The following FCMR variants were observed in gnomAD, a reference collection of about 807,000 sequenced individuals.
FCMR encodes Fc mu receptor.
Under a neutral mutation model 41.6 loss-of-function variants are expected in FCMR, and 34 were observed. That is an observed-to-expected ratio of 0.82 (90% CI 0.62 to 1.09). The LOEUF (loss-of-function observed/expected upper bound fraction) is 1.09, where lower values mean the gene tolerates loss of function less well. FCMR is among the 50% of genes least tolerant of loss of function. FCMR has a pLI of 0.00. For missense variants in FCMR, 496 were observed against 512.5 expected (o/e 0.97, Z 0.31); for synonymous variants, 209 against 211.8 (o/e 0.99, Z 0.12).
rs1157180959 is a variant in FCMR at position 206,904,234 on chromosome 1, G to C, written c.*785C>G. The C allele has an allele frequency of 6.6e-6, 1 of 151,592 alleles. No individual in the cohort carries two copies. 9.4% of individuals were successfully genotyped at this position (151,592 alleles called of 1,614,324 possible). On this transcript the variant is annotated 3_prime_UTR_variant, in exon 8 of 8. Coordinates refer to ENST00000367091, the MANE Select transcript of FCMR (RefSeq NM_005449.5). ...GTAATGGTTTTGGATGAATAAAATAGACCAAAGTTAAGGTAAGTGCACAAA... is the reference window on the plus strand; with the variant it reads ...GTAATGGTTTTGGATGAATAAAATACACCAAAGTTAAGGTAAGTGCACAAA...
intron 1 of FCMR, chr1:206,921,494 G>C (rs1191183306): frequency 6.6e-6 from 3 of 457,970 alleles, no homozygotes; most frequent in East Asian, 4.9e-5. Context: ...CTAGCTACTA[G>C]AGAGTCTGGG....
chr1:206,906,238 G>A (rs1465695873), intron 7 of FCMR: 3 of 433,956 alleles, frequency 6.9e-6, no homozygotes, highest in Admixed American at 2.6e-5. Flanking sequence ...AGTTGGAGGT[G>A]ACACAGAGAA....
intron 1 of FCMR, among the ~76,000 whole-genome samples, chr1:206,915,156 C>G (rs1679133452): frequency 6.6e-6 from 1 of 152,172 alleles, no homozygotes; most frequent in African/African-American, 2.4e-5. Flanking sequence ...AGTAAAGCAG[C>G]CGGCATCCCT....
intron 7 of FCMR, chr1:206,907,907 C>T: frequency 8.0e-7 from 1 of 1,248,810 alleles, no homozygotes; most frequent in Non-Finnish European, 1.2e-6. Flanking sequence ...TGAGGCCAGG[C>T]CGCCCTGGAC....
At chr1:206,905,702 A>T (rs535712649) in intron 7 of FCMR, among the ~76,000 whole-genome samples, 1 of 152,314 alleles carries the variant, frequency 6.6e-6, no homozygotes, top group Admixed American at 6.5e-5. Flanking sequence ...TTCTCAAAAG[A>T]CAGGACTGTG....
chr1:206,907,083 G>C (rs1333775572), intron 7 of FCMR, among the ~76,000 whole-genome samples: 1 of 58,470 alleles, frequency 1.7e-5, no homozygotes, highest in Non-Finnish European at 3.3e-5. Flanking sequence ...GAGAAGCCGG[G>C]GGGTGGGGGG....
chr1:206,907,110 GGGGTGGGGGCGGGGT>G (rs1678694459), intron 7 of FCMR, among the ~76,000 whole-genome samples: 1 of 122,094 alleles, frequency 8.2e-6, no homozygotes, highest in Non-Finnish European at 1.8e-5. Context: ...GGGTGGGGGG[GGGGTGGGGGCGGGGT>G]GGGGACTGCG....
In FCMR at chr1:206,914,070, G is replaced by C. The variant is rs777892635; in HGVS notation, c.62C>G (p.Pro21Arg). Residue 21 changes from proline to arginine, a missense_variant, in exon 2 of 8, where the codon CCA becomes CGA. Transcript: ENST00000367091. ...LPVSGALRIL[P>R]EVKVEGELGG... ...CAGCTCCCCCTCTACCTTTACTTCT[G>C]GGAGGATCCTCAGGGCCCCCGATAC... 2.0e-5 allele frequency: 32 copies of C among 1,613,928 alleles called. No individual in the cohort carries two copies. The highest frequency in any genetic ancestry group is 2.6e-5 in the Non-Finnish European group (31 of 1,179,886).
intron 7 of FCMR, chr1:206,906,202 A>T: frequency 2.0e-6 from 1 of 490,860 alleles, no homozygotes; most frequent in Non-Finnish European, 4.1e-6. Context: ...TAACCAGCAC[A>T]TAACAATAGG....
At chr1:206,912,246 G>T (rs1289509706) in intron 3 of FCMR, among the ~76,000 whole-genome samples, 2 of 152,092 alleles carry the variant, frequency 1.3e-5, no homozygotes, top group Non-Finnish European at 2.9e-5. Context: ...TTCCCAATCT[G>T]CCTTGTGCTG....
chr1:206,917,570 G>A (rs1008868805), intron 1 of FCMR, among the ~76,000 whole-genome samples: 4 of 152,082 alleles, frequency 2.6e-5, no homozygotes, highest in African/African-American at 9.7e-5. Context: ...GAGAAAAATG[G>A]CCTTCTCATC....
intron 3 of FCMR, 55 bp from the exon 4 acceptor site, chr1:206,912,007 C>T: frequency 2.2e-6 from 3 of 1,366,918 alleles, no homozygotes; most frequent in South Asian, 1.2e-5. Context: ...TATTCTCCAA[C>T]AGGATTAGGT....
chr1:206,905,861 C>A (rs1678615519), intron 7 of FCMR: 2 of 162,224 alleles, frequency 1.2e-5, no homozygotes, highest in African/African-American at 4.8e-5. Flanking sequence ...TTGAAAGGAA[C>A]TTTTATATAT....
chr1:206,921,661 A>G (rs1298614739), intron 1 of FCMR, among the ~76,000 whole-genome samples, 157 bp downstream of exon 1: 1 of 152,160 alleles, frequency 6.6e-6, no homozygotes, highest in African/African-American at 2.4e-5. Context: ...AAGGCATCCA[A>G]CACCTCACAT....
At position 206,909,035 on chromosome 1, in the gene FCMR, A is replaced by C. The variant is rs1409828649; in HGVS notation, c.1044+427T>G. 1.3e-5 allele frequency among the ~76,000 whole-genome samples: 2 copies of C among 152,142 alleles called. No individual in the cohort carries two copies. Among genetic ancestry groups the C allele is most frequent in the Non-Finnish European group, 2.9e-5 (2 of 68,002 alleles). On this transcript the variant is annotated intron_variant, in intron 7 of 7. Transcript: ENST00000367091. This position sits in a 1 kb window ranked among gnomAD's most constrained non-coding sequence, Gnocchi z 5.0. ...AGAGAAAGGTAAATTACCTCCTCTCATCTTCGAGAGTTTACTAGAAAGTTC... is the reference window on the plus strand; with the variant it reads ...AGAGAAAGGTAAATTACCTCCTCTCCTCTTCGAGAGTTTACTAGAAAGTTC...
chr1:206,907,727 C>T (rs1347499404), intron 7 of FCMR: 1 of 969,758 alleles, frequency 1.0e-6, no homozygotes, highest in Non-Finnish European at 1.7e-6. Context: ...GGTTGTCGTA[C>T]GCTGGGAGGG....
upstream of FCMR, among the ~76,000 whole-genome samples, chr1:206,922,408 T>A (rs291085): frequency 0.74 from 112,341 of 152,136 alleles, 42,673 homozygotes; most frequent in African/African-American, 0.94. Context: ...TTGAGCACCT[T>A]CTATGTGGGG....
chr1:206,912,373 A>G (rs1678979998), intron 3 of FCMR, among the ~76,000 whole-genome samples: 1 of 152,230 alleles, frequency 6.6e-6, no homozygotes, highest in Non-Finnish European at 1.5e-5. Context: ...CTAGTGTAAT[A>G]ATGTTCAATT....
At chr1:206,917,884 T>C (rs1679259689) in intron 1 of FCMR, 1 of 447,686 alleles carries the variant, frequency 2.2e-6, no homozygotes. Context: ...TCCCAAAGTG[T>C]TGGGATTACA....
Sources: gnomAD v4.1 joint callset for allele counts (sites outside exome capture counted in the v4.1 genomes callset) on GRCh38, gnomAD v4.1.1 for gene constraint, Gnocchi (gnomAD v3.1) non-coding constraint, MANE v1.5 for transcripts, NCBI Gene and HGNC (gene_info 2026-07-23, HGNC 2026-07-21) for gene names.